Variants in SCAI observed in about 807,000 individuals in gnomAD.
The protein encoded by SCAI is suppressor of cancer cell invasion, also known as protein SCAI.
In SCAI, 24 loss-of-function variants were observed where a neutral mutation model predicts 92.2. The ratio of observed to expected loss-of-function variants is 0.26; its 90% CI spans 0.19 to 0.37. The LOEUF (loss-of-function observed/expected upper bound fraction) is 0.37. Ranked by LOEUF, SCAI falls within the 10% of genes least tolerant of loss-of-function variation. The pLI is 1.00. For missense variants in SCAI, 450 were observed against 736.2 expected, an observed-to-expected ratio of 0.61 and a Z score of 4.50; for synonymous variants, 261 against 258.6, an observed-to-expected ratio of 1.01 and a Z score of -0.09.
chr9:125,125,700 C>CA (rs1257282783), intron 2 of SCAI, among the ~76,000 whole-genome samples: 1 of 150,706 alleles, frequency 6.6e-6, no homozygotes, highest in East Asian at 2.0e-4. Flanking sequence ...CGCATGGTGG[C>CA]AGGCACTGTA....
At chr9:124,990,927 T>G (rs1318381538) in intron 14 of SCAI, among the ~76,000 whole-genome samples, 2 of 152,112 alleles carry the variant, frequency 1.3e-5, no homozygotes, top group Non-Finnish European at 2.9e-5. Context: ...CCACCCCAGG[T>G]GAAGTGATCA....
rs1328142434 is a variant in SCAI, at chr9:125,046,312, T to TAC, written c.230+9563_230+9564insGT. On this transcript the variant is annotated intron_variant, in intron 3 of 17. Coordinates refer to ENST00000336505, the MANE Select transcript of SCAI (RefSeq NM_001144877.3). ...TTCCTTTTATGGCCTATCTCATATATATATACACACACACACACACATATA... is the reference window on the plus strand; with the variant it reads ...TTCCTTTTATGGCCTATCTCATATATACATATACACACACACACACACATATA... Among the ~76,000 whole-genome samples the TAC allele has an allele frequency of 2.1e-4, 3 of 14,066 alleles. No homozygotes were observed. The East Asian group carries it at 0.018, about 83-fold the overall frequency. The allele number at this position is 14,066 out of a possible 152,430, so 9.2% of individuals were successfully genotyped here. A position where few individuals can be genotyped will look rare whatever the true frequency, so the allele number is the denominator to read the frequency against.
At chr9:125,087,323 T>C (rs975033287) in intron 2 of SCAI, among the ~76,000 whole-genome samples, 74 of 152,322 alleles carry the variant, frequency 4.9e-4, no homozygotes, top group African/African-American at 1.8e-3. Context: ...CCAACAAATA[T>C]TGAGGACATG....
chr9:125,111,804 A>C (rs1016072107), intron 2 of SCAI, among the ~76,000 whole-genome samples: 1 of 152,170 alleles, frequency 6.6e-6, no homozygotes, highest in African/African-American at 2.4e-5. Context: ...GATGTAGCGC[A>C]GGGAAGAGGA....
At position 124,952,529 on chromosome 9, in the gene SCAI, AC is replaced by A. The variant is rs775570507; in HGVS notation, c.*277del. The A allele has an allele frequency of 2.1e-5, 6 of 284,280 alleles. No individual in the cohort carries two copies. Among genetic ancestry groups the A allele is most frequent in the Non-Finnish European group, 2.6e-5 (4 of 153,568 alleles). The allele number at this position is 284,280 out of a possible 1,614,324, so 17.6% of individuals were successfully genotyped here. A position where few individuals can be genotyped will look rare whatever the true frequency, so the allele number is the denominator to read the frequency against. On this transcript the variant is annotated 3_prime_UTR_variant, in exon 18 of 18. Coordinates refer to ENST00000336505, the MANE Select transcript of SCAI (RefSeq NM_001144877.3). The stretch of plus-strand genomic sequence containing the variant: ...TACTCTTCTCAGGGTGAGAATAGTG[AC>A]TATTTGAGTGTAGGATTAGAAGTTG...
chr9:125,103,552 T>C (rs1834719734), intron 2 of SCAI, among the ~76,000 whole-genome samples: 2 of 152,222 alleles, frequency 1.3e-5, no homozygotes, highest in South Asian at 2.1e-4. Flanking sequence ...CTCATTTAAT[T>C]TGCCCCTCAA....
At chr9:125,037,580 T>C (rs62584364) in intron 3 of SCAI, among the ~76,000 whole-genome samples, 2,881 of 152,272 alleles carry the variant, frequency 0.019, 35 homozygotes, top group Middle Eastern at 0.031. Context: ...TTCTGTTTCA[T>C]TGGCTGTCTA....
intron 17 of SCAI, among the ~76,000 whole-genome samples, chr9:124,965,448 TGG>T (rs1175333828): frequency 8.4e-4 from 128 of 152,336 alleles, no homozygotes; most frequent in African/African-American, 2.9e-3. Context: ...TTGGTCAGGC[TGG>T]TCTTGAAATC....
chr9:125,130,287 G>A (rs1300114735), intron 2 of SCAI, among the ~76,000 whole-genome samples: 4 of 152,086 alleles, frequency 2.6e-5, no homozygotes, highest in Non-Finnish European at 4.4e-5. Flanking sequence ...GATACCATGA[G>A]GTCATAAAGT....
chr9:125,079,891 G>T (rs1834175712), intron 2 of SCAI, among the ~76,000 whole-genome samples: 1 of 152,054 alleles, frequency 6.6e-6, no homozygotes, highest in African/African-American at 2.4e-5. Context: ...GTCTGTGAAG[G>T]GAATATGTGC....
chr9:125,031,255 T>C (rs1048918738), intron 3 of SCAI, among the ~76,000 whole-genome samples: 13 of 152,094 alleles, frequency 8.5e-5, no homozygotes, highest in South Asian at 2.1e-4. Flanking sequence ...ATTTGTACTA[T>C]TGAGGTCACT....
At chr9:125,038,452 C>T (rs1034623780) in intron 3 of SCAI, among the ~76,000 whole-genome samples, 14 of 152,180 alleles carry the variant, frequency 9.2e-5, no homozygotes, top group African/African-American at 3.4e-4. Context: ...TTTTGAGCTG[C>T]TGTTTCTTGG....
intron 3 of SCAI, among the ~76,000 whole-genome samples, chr9:125,053,086 G>C (rs1833594053): frequency 6.6e-6 from 1 of 152,150 alleles, no homozygotes; most frequent in Non-Finnish European, 1.5e-5. Flanking sequence ...CGTAATCCCA[G>C]CACTTTGGGA....
chr9:125,056,109 A>T, intron 2 of SCAI, 102 bp from the exon 3 acceptor site: 1 of 818,266 alleles, frequency 1.2e-6, no homozygotes. Context: ...AGACAGATAT[A>T]GAATTCTTCT....
At chr9:124,974,233 C>A in intron 15 of SCAI, 1 of 448,236 alleles carries the variant, frequency 2.2e-6, no homozygotes, top group South Asian at 1.6e-5. Context: ...CTCTTGAGCC[C>A]AGGAGTTTGA....
rs1400099067 is a variant in SCAI at position 124,949,988 on chromosome 9, G to A, written c.*2819C>T. The A allele has an allele frequency of 2.0e-5, 3 of 152,048 alleles. No individual in the cohort carries two copies. The highest frequency in any genetic ancestry group is 4.4e-5 in the Non-Finnish European group (3 of 68,026). 9.4% of individuals were successfully genotyped at this position (152,048 alleles called of 1,614,324 possible). ...CTACCAGTAAGGAATTACACTATTAGCTTAAGGGGCAACATCATAAGGGTC... is the reference window on the plus strand; with the variant it reads ...CTACCAGTAAGGAATTACACTATTAACTTAAGGGGCAACATCATAAGGGTC... On this transcript the variant is annotated 3_prime_UTR_variant, in exon 18 of 18. Coordinates refer to ENST00000336505, the MANE Select transcript of SCAI (RefSeq NM_001144877.3). The surrounding 1 kb of genome is among the most constrained non-coding windows in gnomAD (Gnocchi z 4.0).
At chr9:124,958,165 C>T (rs573080164) in intron 17 of SCAI, among the ~76,000 whole-genome samples, 9 of 152,154 alleles carry the variant, frequency 5.9e-5, no homozygotes, top group African/African-American at 2.2e-4. Context: ...AATAGTAATT[C>T]CCCACAGGTG....
chr9:125,113,731 G>A (rs1588234447), intron 2 of SCAI, among the ~76,000 whole-genome samples: 1 of 146,762 alleles, frequency 6.8e-6, no homozygotes, highest in South Asian at 2.2e-4. Flanking sequence ...GGGAGGCCAA[G>A]GCGGGCTGAT....
intron 2 of SCAI, among the ~76,000 whole-genome samples, chr9:125,060,028 C>T (rs1005349419): frequency 1.3e-5 from 2 of 152,172 alleles, no homozygotes; most frequent in African/African-American, 4.8e-5. Context: ...CTGGCACCTA[C>T]TTCTGATCAA....
Sources: allele counts gnomAD v4.1 joint callset (sites outside exome capture counted in the v4.1 genomes callset), GRCh38; gene constraint gnomAD v4.1.1; non-coding constraint Gnocchi (gnomAD v3.1); transcripts MANE v1.5; gene names NCBI Gene and HGNC (gene_info 2026-07-23, HGNC 2026-07-21).